The following LARS1 variants were observed in gnomAD, a reference collection of about 807,000 sequenced individuals.
LARS1 encodes leucyl-tRNA synthetase 1.
Under a neutral mutation model 162.8 loss-of-function variants are expected in LARS1, and 100 were observed. That is an observed-to-expected ratio of 0.61 (90% CI 0.52 to 0.73). LARS1 has a LOEUF of 0.73. Among genes scored for constraint, LARS1 ranks in the 30% least tolerant of loss-of-function variants. LARS1 has a pLI of 0.00. For missense variants in LARS1, 1,258 were observed against 1,408.9 expected, an observed-to-expected ratio of 0.89 and a Z score of 1.71; for synonymous variants, 457 against 462.8, an observed-to-expected ratio of 0.99 and a Z score of 0.16.
chr5:146,123,715 T>C (rs1751926194), intron 29 of LARS1, among the ~76,000 whole-genome samples: 1 of 151,816 alleles, frequency 6.6e-6, no homozygotes, highest in Admixed American at 6.6e-5. Context: ...TAATTTGCAG[T>C]AGAATAGCCA....
At position 146,153,879 on chromosome 5, in the gene LARS1, A is replaced by C. The variant is rs773623567; in HGVS notation, c.1153+14T>G. 1 of 1,608,510 alleles carries C rather than the reference A, an allele frequency of 6.2e-7. No homozygotes were observed. The highest frequency in any genetic ancestry group is 1.1e-5 in the South Asian group (1 of 90,920). ...GTTTATCAAAATATTTCTAGAAATAAATAAACTCTTTACCTTTATCCTCCT... is the reference window on the plus strand; with the variant it reads ...GTTTATCAAAATATTTCTAGAAATACATAAACTCTTTACCTTTATCCTCCT... On this transcript the variant is annotated intron_variant, in intron 11 of 31. Transcript: ENST00000394434.
At chr5:146,177,739 AC>A in intron 1 of LARS1, 74 bp from the exon 2 acceptor site, 1 of 652,976 alleles carries the variant, frequency 1.5e-6, no homozygotes. Context: ...GGTTCACAGA[AC>A]TGAGCTGCTC....
chr5:146,149,482 T>C lies in LARS1; in HGVS notation c.1503+140A>G, dbSNP rs1469315735. ...TGTTCAAGTTAAATGAATTGCTAAA[T>C]AGGTCTATTTTCTGCCGCAAAACTG... On this transcript the variant is annotated intron_variant, in intron 15 of 31. Transcript: ENST00000394434. The C allele has an allele frequency of 2.2e-5, 15 of 678,076 alleles. 1 individual carries two copies. The highest frequency in any genetic ancestry group is 2.2e-4 in the South Asian group (12 of 54,730). The allele number at this position is 678,076 out of a possible 1,614,324, so 42.0% of individuals were successfully genotyped here.
At chr5:146,153,665 C>A (rs535988721) in intron 12 of LARS1, 69 bp downstream of exon 12, 2 of 1,157,840 alleles carry the variant, frequency 1.7e-6, no homozygotes, top group Non-Finnish European at 2.6e-6. Context: ...AGTCCCACAG[C>A]GTAGTTCAGC....
At chr5:146,154,355 C>T (rs1006472380) in intron 10 of LARS1, among the ~76,000 whole-genome samples, 2 of 152,308 alleles carry the variant, frequency 1.3e-5, no homozygotes, top group Middle Eastern at 3.4e-3. Flanking sequence ...TAAATTTTAA[C>T]TCTTCTCACC....
At position 146,171,902 on chromosome 5, in the gene LARS1, G is replaced by T; in HGVS notation, c.294+8C>A. On this transcript the variant is annotated splice_region_variant and intron_variant, in intron 4 of 31. Transcript: ENST00000394434. ...AAGAGTAGAAACCAATCCTATTAGC[G>T]ATCTTACCTTAATAGGCATTCCAGT... 1.2e-6 allele frequency: 2 copies of T among 1,602,872 alleles called. No homozygotes were observed. Among genetic ancestry groups the T allele is most frequent in the South Asian group, 1.1e-5 (1 of 89,012 alleles).
rs34658033 is a variant in LARS1, at chr5:146,181,848, C to CTTTTTTTTTT, written c.6+630_6+639dup. The stretch of plus-strand genomic sequence containing the variant: ...TTTACGGAGAGGCGCTCAATTTTTT[C>CTTTTTTTTTT]TTTTTTTTTTTTTTTTTTTTTTTTT... On this transcript the variant is annotated intron_variant, in intron 1 of 31. Coordinates refer to ENST00000394434, the MANE Select transcript of LARS1 (RefSeq NM_020117.11). Among the ~76,000 whole-genome samples, 332 of 53,026 alleles carry CTTTTTTTTTT rather than the reference C, an allele frequency of 6.3e-3. 71 individuals are homozygous for CTTTTTTTTTT. The highest frequency in any genetic ancestry group is 7.5e-3 in the East Asian group (8 of 1,066). 34.8% of individuals were successfully genotyped at this position (53,026 alleles called of 152,430 possible). A position where few individuals can be genotyped will look rare whatever the true frequency, so the allele number is the denominator to read the frequency against.
intron 2 of LARS1, among the ~76,000 whole-genome samples, chr5:146,175,006 G>A (rs1754490763): frequency 2.0e-5 from 3 of 152,114 alleles, no homozygotes; most frequent in Non-Finnish European, 2.9e-5. Flanking sequence ...GATCACTTGA[G>A]CCCAGGAGTT....
chr5:146,150,854 G>A (rs1753248417), intron 14 of LARS1, among the ~76,000 whole-genome samples: 2 of 151,438 alleles, frequency 1.3e-5, no homozygotes, highest in Admixed American at 6.6e-5. Flanking sequence ...CAGGAGAATC[G>A]CTTGAACCCG....
chr5:146,132,439 A>G (rs1393686035), intron 23 of LARS1: 2 of 153,388 alleles, frequency 1.3e-5, no homozygotes, highest in African/African-American at 4.8e-5. Context: ...TCTTTATAAT[A>G]CCAGTGCGTA....
intron 10 of LARS1, among the ~76,000 whole-genome samples, chr5:146,156,808 A>C (rs552184926): frequency 6.6e-6 from 1 of 152,086 alleles, no homozygotes; most frequent in East Asian, 1.9e-4. Flanking sequence ...TACAATTCCA[A>C]ATTTAGTATT....
chr5:146,164,080 C>G (rs766589361), intron 6 of LARS1, among the ~76,000 whole-genome samples: 5 of 150,534 alleles, frequency 3.3e-5, no homozygotes, highest in Non-Finnish European at 5.9e-5. Flanking sequence ...GAATATAGAT[C>G]ACCATAACAG....
intron 25 of LARS1, among the ~76,000 whole-genome samples, chr5:146,129,502 T>C (rs760640456): frequency 3.9e-5 from 6 of 152,204 alleles, no homozygotes; most frequent in African/African-American, 7.2e-5. Flanking sequence ...ATATAGATCA[T>C]GAGCACATTT....
chr5:146,161,685 G>A (rs746285851), intron 6 of LARS1, among the ~76,000 whole-genome samples: 20 of 151,862 alleles, frequency 1.3e-4, no homozygotes, highest in African/African-American at 2.2e-4. Flanking sequence ...CCCGGGAGGC[G>A]GAGGTTGCAG....
intron 22 of LARS1, 70 bp from the exon 23 acceptor site, chr5:146,133,151 C>A (rs1469100024): frequency 1.5e-6 from 2 of 1,320,016 alleles, no homozygotes; most frequent in African/African-American, 1.4e-5. Flanking sequence ...TCCTATGTGT[C>A]CAGTTGGATA....
intron 15 of LARS1, among the ~76,000 whole-genome samples, chr5:146,148,802 A>G: frequency 6.6e-6 from 1 of 152,174 alleles, no homozygotes. Flanking sequence ...TTAGCCGGGC[A>G]TGGTGGCTCA....
At chr5:146,174,261 C>T (rs1018006500) in intron 2 of LARS1, among the ~76,000 whole-genome samples, 3 of 148,652 alleles carry the variant, frequency 2.0e-5, no homozygotes, top group South Asian at 2.1e-4. Context: ...ACTAGCCTAA[C>T]GTGGAGAAAA....
intron 14 of LARS1, 80 bp from the exon 15 acceptor site, chr5:146,149,779 C>CTAAATT: frequency 1.0e-6 from 1 of 991,600 alleles, no homozygotes; most frequent in East Asian, 2.4e-5. Context: ...TTTTCCCTAA[C>CTAAATT]TAAATTTGCT....
At chr5:146,163,083 G>A (rs185796471) in intron 6 of LARS1, among the ~76,000 whole-genome samples, 14 of 152,096 alleles carry the variant, frequency 9.2e-5, no homozygotes, top group Admixed American at 6.6e-5. Context: ...TGCTGGGATT[G>A]CAGGCATGAG....
Sources: allele counts gnomAD v4.1 joint callset (sites outside exome capture counted in the v4.1 genomes callset), GRCh38; gene constraint gnomAD v4.1.1; transcripts MANE v1.5; gene names NCBI Gene and HGNC (gene_info 2026-07-23, HGNC 2026-07-21).